Variants in SEC14L1 observed in about 807,000 individuals in gnomAD.
SEC14L1 encodes SEC14 like lipid binding 1, also known as SEC14-like protein 1.
Under a neutral mutation model 85.3 loss-of-function variants are expected in SEC14L1, and 48 were observed. The ratio of observed to expected loss-of-function variants is 0.56; its 90% CI spans 0.45 to 0.72. The LOEUF (loss-of-function observed/expected upper bound fraction) is 0.72, where lower values mean the gene tolerates loss of function less well. SEC14L1 is among the 30% of genes least tolerant of loss of function. The pLI, the probability that SEC14L1 is intolerant of heterozygous loss-of-function variation, is 0.00. For missense variants in SEC14L1, 682 were observed against 921.4 expected, an observed-to-expected ratio of 0.74 and a Z score of 3.36; for synonymous variants, 391 against 355.5, an observed-to-expected ratio of 1.10 and a Z score of -1.12.
chr17:77,122,304 T>A (rs1210116328), intron 3 of SEC14L1, among the ~76,000 whole-genome samples: 1 of 151,200 alleles, frequency 6.6e-6, no homozygotes, highest in East Asian at 1.9e-4. Flanking sequence ...CTTCTTCATC[T>A]TCTTTTTTTT....
intron 3 of SEC14L1, among the ~76,000 whole-genome samples, chr17:77,103,460 T>C (rs2143326053): frequency 6.6e-6 from 1 of 150,660 alleles, no homozygotes; most frequent in African/African-American, 2.4e-5. Context: ...TGTTTTGTTT[T>C]GTTTTTGAGA....
At chr17:77,183,309 C>T (rs936521579) in intron 3 of SEC14L1, among the ~76,000 whole-genome samples, 1 of 152,190 alleles carries the variant, frequency 6.6e-6, no homozygotes, top group Non-Finnish European at 1.5e-5. Context: ...TATGCATGTC[C>T]GCTAGGTAAA....
chr17:77,138,740 A>T (rs1233635190), upstream of SEC14L1, among the ~76,000 whole-genome samples: 1 of 152,156 alleles, frequency 6.6e-6, no homozygotes, highest in Non-Finnish European at 1.5e-5. Context: ...TGGGAGGTTC[A>T]CTTGAGGCCA....
intron 1 of SEC14L1, chr17:77,141,330 C>A (rs1450830191): frequency 3.2e-5 from 4 of 125,528 alleles, no homozygotes; most frequent in African/African-American, 3.0e-5. Context: ...CCGCCCCTCG[C>A]CCCCCTCCCC....
intron 3 of SEC14L1, among the ~76,000 whole-genome samples, chr17:77,113,394 C>T (rs1372863439): frequency 1.3e-5 from 2 of 152,138 alleles, no homozygotes; most frequent in Admixed American, 6.5e-5. Flanking sequence ...CCTTCTTGGG[C>T]ACTTTTCTGG....
intron 3 of SEC14L1, among the ~76,000 whole-genome samples, chr17:77,162,830 C>A (rs1364969001): frequency 4.0e-5 from 6 of 148,242 alleles, no homozygotes; most frequent in African/African-American, 5.0e-5. Flanking sequence ...AACTCTGTCT[C>A]AAAAAAAAAA....
At chr17:77,166,568 A>C (rs192255713) in intron 3 of SEC14L1, among the ~76,000 whole-genome samples, 1 of 152,326 alleles carries the variant, frequency 6.6e-6, no homozygotes, top group East Asian at 1.9e-4. Flanking sequence ...GGCCGGGTGC[A>C]GTGGCTTATG....
Position 77,196,194 on chromosome 17 carries a change from C to T in SEC14L1, c.710-8C>T. The T allele has an allele frequency of 1.2e-6, 2 of 1,604,174 alleles. No individual in the cohort carries two copies. Among genetic ancestry groups the T allele is most frequent in the East Asian group, 2.2e-5 (1 of 44,822 alleles). On this transcript the variant is annotated splice_polypyrimidine_tract_variant and splice_region_variant and intron_variant, in intron 7 of 16. Transcript: ENST00000436233. The stretch of plus-strand genomic sequence containing the variant: ...CTTTGTTGTAAATAAATGTCACTTA[C>T]ATTCCAGACAAACTAGATGCCGACT...
chr17:77,216,643 C>T lies in SEC14L1; in HGVS notation c.*2620C>T. ...ATAGAACTGTTTGAATTGCAGCCAT[C>T]CCCTGCCCCCTCCCAGGCTGAAGAT... On this transcript the variant is annotated 3_prime_UTR_variant, in exon 17 of 17. Coordinates refer to ENST00000436233, the MANE Select transcript of SEC14L1 (RefSeq NM_001143998.2). 1 of 1,609,932 alleles carries T rather than the reference C, an allele frequency of 6.2e-7. No individual in the cohort carries two copies. Among genetic ancestry groups the T allele is most frequent in the Non-Finnish European group, 8.5e-7 (1 of 1,176,846 alleles).
intron 3 of SEC14L1, among the ~76,000 whole-genome samples, chr17:77,121,815 A>G (rs1451194887): frequency 6.6e-6 from 1 of 152,168 alleles, no homozygotes; most frequent in Non-Finnish European, 1.5e-5. Flanking sequence ...CTCAAAGCCT[A>G]GGCTCTCCCT....
chr17:77,096,355 G>A (rs893185760), intron 3 of SEC14L1, among the ~76,000 whole-genome samples: 3 of 144,472 alleles, frequency 2.1e-5, no homozygotes, highest in Admixed American at 7.1e-5. Context: ...TCAAGAGTTC[G>A]AGACCAGCCT....
Position 77,213,554 on chromosome 17 carries a change from C to T in SEC14L1, c.2042+62C>T. ...GCTGGGCATGGTTGGAGGGAGCCTG[C>T]AGTCCCACGCCGTGTGCAGGATCAG... On this transcript the variant is annotated intron_variant, in intron 16 of 16. Transcript: ENST00000436233. The surrounding 1 kb of genome is among the most constrained non-coding windows in gnomAD (Gnocchi z 7.1). 6.4e-7 allele frequency: 1 copy of T among 1,573,242 alleles called. No homozygotes were observed. The highest frequency in any genetic ancestry group is 8.6e-7 in the Non-Finnish European group (1 of 1,157,754).
At chr17:77,100,696 C>G (rs974118773) in intron 3 of SEC14L1, among the ~76,000 whole-genome samples, 4 of 152,040 alleles carry the variant, frequency 2.6e-5, no homozygotes, top group African/African-American at 7.2e-5. Flanking sequence ...CTCGGCCTCC[C>G]AAAGTGCTGG....
At chr17:77,089,178 C>A (rs2247814) in exon 2 of SEC14L1, 1 of 329,958 alleles carries the variant, frequency 3.0e-6, no homozygotes, top group Non-Finnish European at 6.0e-6. Flanking sequence ...GAGAAATATC[C>A]CCCGACGATT....
chr17:77,157,601 C>T (rs1973867440), intron 3 of SEC14L1, among the ~76,000 whole-genome samples: 1 of 151,570 alleles, frequency 6.6e-6, no homozygotes, highest in Non-Finnish European at 1.5e-5. Context: ...GATCTCGGCT[C>T]ACTGCAGCCT....
intron 5 of SEC14L1, among the ~76,000 whole-genome samples, chr17:77,192,512 C>T (rs1273977941): frequency 6.6e-5 from 10 of 152,168 alleles, no homozygotes; most frequent in African/African-American, 2.4e-4. Context: ...TGGGCCTCCC[C>T]CAGGGGCTTT....
intron 3 of SEC14L1, among the ~76,000 whole-genome samples, chr17:77,099,555 G>A (rs1238883277): frequency 3.9e-5 from 6 of 152,146 alleles, no homozygotes; most frequent in African/African-American, 1.2e-4. Context: ...TCAGGAGTTC[G>A]AGGCAAGCCT....
chr17:77,154,677 AATTATGTATCAAT>A (rs1180830862), intron 3 of SEC14L1, among the ~76,000 whole-genome samples: 1 of 147,006 alleles, frequency 6.8e-6, no homozygotes, highest in African/African-American at 2.5e-5. Context: ...CTGTCTCTAT[AATTATGTATCAAT>A]ATATGAAATA....
At chr17:77,114,989 T>C (rs1972139767) in intron 3 of SEC14L1, among the ~76,000 whole-genome samples, 1 of 152,156 alleles carries the variant, frequency 6.6e-6, no homozygotes, top group South Asian at 2.1e-4. Context: ...TTGCCTTTAG[T>C]CATTTACTTG....
Sources: allele counts gnomAD v4.1 joint callset (sites outside exome capture counted in the v4.1 genomes callset), GRCh38; gene constraint gnomAD v4.1.1; non-coding constraint Gnocchi (gnomAD v3.1); transcripts MANE v1.5; gene names NCBI Gene and HGNC (gene_info 2026-07-23, HGNC 2026-07-21).